Variants in MIPOL1 observed in about 807,000 individuals in gnomAD.
MIPOL1 encodes mirror-image polydactyly 1.
Under a neutral mutation model 60.9 loss-of-function variants are expected in MIPOL1, and 57 were observed. That is an observed-to-expected ratio of 0.94 (90% CI 0.76 to 1.17). The LOEUF is 1.17. MIPOL1 is among the 50% of genes most tolerant of loss of function. The pLI is 0.00. For missense variants in MIPOL1, 551 were observed against 511.6 expected, an observed-to-expected ratio of 1.08 and a Z score of -0.74; for synonymous variants, 179 against 168.8, an observed-to-expected ratio of 1.06 and a Z score of -0.47.
chr14:37,203,569 T>C (rs1421471278), intron 1 of MIPOL1, among the ~76,000 whole-genome samples: 1 of 152,168 alleles, frequency 6.6e-6, no homozygotes, highest in African/African-American at 2.4e-5. Flanking sequence ...TCACTTCTAC[T>C]AGAATATGGC....
At chr14:37,220,952 A>G (rs79727647) in intron 1 of MIPOL1, among the ~76,000 whole-genome samples, 8,935 of 152,130 alleles carry the variant, frequency 0.059, 347 homozygotes, top group Non-Finnish European at 0.086. Context: ...ATTGTTTTAA[A>G]AAAGTTTTTT....
At chr14:37,399,614 G>C (rs1179923690) in intron 10 of MIPOL1, among the ~76,000 whole-genome samples, 1 of 152,060 alleles carries the variant, frequency 6.6e-6, no homozygotes, top group African/African-American at 2.4e-5. Context: ...TTAATCCACA[G>C]AGAAAGTCAA....
chr14:37,514,546 T>G (rs2095353946), intron 12 of MIPOL1, among the ~76,000 whole-genome samples: 1 of 152,154 alleles, frequency 6.6e-6, no homozygotes, highest in African/African-American at 2.4e-5. Context: ...CACTCAAAAC[T>G]TTCCCCTTTG....
At chr14:37,488,595 A>G (rs947433960) in intron 11 of MIPOL1, among the ~76,000 whole-genome samples, 5 of 149,910 alleles carry the variant, frequency 3.3e-5, no homozygotes, top group African/African-American at 1.2e-4. Flanking sequence ...TGTCCTGTAC[A>G]AGTGCTTCGT....
intron 7 of MIPOL1, among the ~76,000 whole-genome samples, chr14:37,293,632 G>C (rs1395301773): frequency 6.6e-6 from 1 of 152,150 alleles, no homozygotes. Context: ...TTTCCAATGG[G>C]CTTATCAAAC....
intron 1 of MIPOL1, among the ~76,000 whole-genome samples, chr14:37,217,237 A>G (rs569390235): frequency 3.9e-5 from 6 of 152,318 alleles, no homozygotes; most frequent in African/African-American, 1.2e-4. Context: ...ATAAGTAATG[A>G]GATTGAAGCC....
At chr14:37,324,447 T>C (rs1200963643) in intron 9 of MIPOL1, among the ~76,000 whole-genome samples, 1 of 152,108 alleles carries the variant, frequency 6.6e-6, no homozygotes, top group Non-Finnish European at 1.5e-5. Flanking sequence ...GTTCTGGATG[T>C]GGTTCTGATT....
At chr14:37,424,041 C>T (rs1482470241) in intron 11 of MIPOL1, among the ~76,000 whole-genome samples, 4 of 152,072 alleles carry the variant, frequency 2.6e-5, no homozygotes, top group African/African-American at 4.8e-5. Context: ...ATTTGTTGCT[C>T]ATGTTCATAA....
intron 7 of MIPOL1, among the ~76,000 whole-genome samples, chr14:37,294,902 T>G (rs1376683911): frequency 6.6e-6 from 1 of 152,152 alleles, no homozygotes; most frequent in East Asian, 1.9e-4. Flanking sequence ...CCAGGAGAAC[T>G]TCCCCAATCT....
chr14:37,220,140 T>C (rs1968500067), intron 1 of MIPOL1, among the ~76,000 whole-genome samples: 1 of 152,194 alleles, frequency 6.6e-6, no homozygotes, highest in Non-Finnish European at 1.5e-5. Context: ...TTTAATTTTA[T>C]TTTAAGGTAT....
chr14:37,498,255 G>A (rs956283563), intron 11 of MIPOL1, among the ~76,000 whole-genome samples: 4 of 151,968 alleles, frequency 2.6e-5, no homozygotes, highest in Admixed American at 2.6e-4. Context: ...TCTGTATTTT[G>A]TTCTTCACAT....
At chr14:37,215,826 G>A (rs1278022626) in intron 1 of MIPOL1, among the ~76,000 whole-genome samples, 1 of 152,122 alleles carries the variant, frequency 6.6e-6, no homozygotes, top group African/African-American at 2.4e-5. Flanking sequence ...CAAGCATGTT[G>A]GGAGGCTAAG....
intron 11 of MIPOL1, among the ~76,000 whole-genome samples, chr14:37,426,555 C>T (rs564200622): frequency 2.7e-4 from 15 of 54,750 alleles, no homozygotes; most frequent in Non-Finnish European, 5.4e-4. Context: ...GAGTGAAACT[C>T]TGTCTCAAAA....
At chr14:37,532,440 A>AT (rs2095485377) in intron 12 of MIPOL1, among the ~76,000 whole-genome samples, 1 of 152,232 alleles carries the variant, frequency 6.6e-6, no homozygotes, top group Admixed American at 6.5e-5. Context: ...ATGTGATTTA[A>AT]TTTCAAGTCA....
chr14:37,330,483 T>C (rs10145246), intron 9 of MIPOL1, among the ~76,000 whole-genome samples: 147,668 of 152,186 alleles, frequency 0.97, 71,708 homozygotes, highest in East Asian at 1. Context: ...AGTATAGTTA[T>C]GATTCCATAT....
chr14:37,324,646 A>G (rs1049394849), intron 9 of MIPOL1, among the ~76,000 whole-genome samples: 4 of 152,110 alleles, frequency 2.6e-5, no homozygotes, highest in Non-Finnish European at 4.4e-5. Flanking sequence ...TGCAAAGCTG[A>G]CAGCTTGTTT....
intron 7 of MIPOL1, among the ~76,000 whole-genome samples, chr14:37,289,695 G>C (rs965767021): frequency 6.6e-6 from 1 of 152,114 alleles, no homozygotes; most frequent in African/African-American, 2.4e-5. Flanking sequence ...GTTCTTTTGG[G>C]CCTTTAATGG....
intron 11 of MIPOL1, among the ~76,000 whole-genome samples, chr14:37,447,901 A>G (rs1366120142): frequency 6.6e-6 from 1 of 152,234 alleles, no homozygotes; most frequent in South Asian, 2.1e-4. Context: ...GTAGATAGGC[A>G]GTTATGAATG....
chr14:37,540,139 G>T (rs901034652), intron 12 of MIPOL1, among the ~76,000 whole-genome samples: 8 of 152,156 alleles, frequency 5.3e-5, no homozygotes, highest in African/African-American at 1.9e-4. Context: ...CCAGTCTTGG[G>T]CAGCCCTTTA....
Sources: gnomAD v4.1 joint callset for allele counts (sites outside exome capture counted in the v4.1 genomes callset) on GRCh38, gnomAD v4.1.1 for gene constraint, MANE v1.5 for transcripts, NCBI Gene and HGNC (gene_info 2026-07-23, HGNC 2026-07-21) for gene names.